Variants in GSPT1 observed in about 807,000 individuals in gnomAD.
The protein encoded by GSPT1 is eukaryotic peptide chain release factor GTP-binding subunit ERF3A.
A neutral mutation model predicts 72.5 loss-of-function variants in GSPT1; 20 were observed. That is an observed-to-expected ratio of 0.28 (90% CI 0.19 to 0.40). The LOEUF is 0.40. GSPT1 is among the 10% of genes least tolerant of loss of function. The pLI is 1.00. For synonymous variants in GSPT1, 334 were observed against 293.5 expected, an observed-to-expected ratio of 1.14 and a Z score of -1.41; for missense variants, 580 against 811.9, an observed-to-expected ratio of 0.71 and a Z score of 3.47.
intron 6 of GSPT1, among the ~76,000 whole-genome samples, chr16:11,889,329 CTTTTTTTTTTTTTTTT>C (rs902991145): frequency 6.7e-5 from 4 of 60,040 alleles, no homozygotes; most frequent in Middle Eastern, 0.013. Context: ...CCCTCTTCTT[CTTTTTTTTTTTTTTTT>C]TTTTTTTTTT....
intron 3 of GSPT1, 91 bp downstream of exon 3, chr16:11,897,749 T>C (rs1293140698): frequency 1.4e-6 from 1 of 720,810 alleles, no homozygotes; most frequent in East Asian, 2.7e-5. Context: ...ATGTAGGCAT[T>C]ACAATAATCG....
chr16:11,900,313 AGAATGAAACTCC>A (rs1483672617), intron 1 of GSPT1, among the ~76,000 whole-genome samples: 1 of 141,120 alleles, frequency 7.1e-6, no homozygotes, highest in Non-Finnish European at 1.5e-5. Flanking sequence ...AGCTTGGACA[AGAATGAAACTCC>A]GTCTCAAAAA....
intron 1 of GSPT1, among the ~76,000 whole-genome samples, chr16:11,900,470 T>C (rs2141307731): frequency 6.6e-6 from 1 of 152,190 alleles, no homozygotes. Flanking sequence ...TTGCTTTAAC[T>C]AATTTTTATT....
At chr16:11,889,384 T>C (rs1010951873) in intron 6 of GSPT1, among the ~76,000 whole-genome samples, 3 of 126,268 alleles carry the variant, frequency 2.4e-5, no homozygotes, top group East Asian at 5.0e-4. Flanking sequence ...TCTGGCCAGG[T>C]TGGAGTGCAG....
intron 1 of GSPT1, among the ~76,000 whole-genome samples, chr16:11,906,118 G>A (rs1315407588): frequency 1.3e-5 from 2 of 151,644 alleles, no homozygotes; most frequent in East Asian, 1.9e-4. Context: ...GTCTCACTCT[G>A]TCGCCCAGGC....
chr16:11,907,969 C>T (rs1474055402), intron 1 of GSPT1, among the ~76,000 whole-genome samples: 5 of 152,206 alleles, frequency 3.3e-5, no homozygotes, highest in East Asian at 1.9e-4. Context: ...AGGCCAGGCG[C>T]GGTGGCTCAC....
intron 11 of GSPT1, among the ~76,000 whole-genome samples, chr16:11,879,826 A>C (rs1034072681): frequency 6.6e-6 from 1 of 152,200 alleles, no homozygotes; most frequent in Non-Finnish European, 1.5e-5. Context: ...AAAATAACCA[A>C]TTTTTAATTT....
rs1216791121 is a variant in GSPT1, at chr16:11,875,940, A to C, written c.1693-11T>G. 6.2e-7 allele frequency: 1 copy of C among 1,607,398 alleles called. No homozygotes were observed. The highest frequency in any genetic ancestry group is 8.5e-7 in the Non-Finnish European group (1 of 1,176,526). On this transcript the variant is annotated splice_polypyrimidine_tract_variant and intron_variant, in intron 13 of 14. Transcript: ENST00000434724. The stretch of plus-strand genomic sequence containing the variant: ...CAAGCAGATTAAGGCCTAACCAAGA[A>C]AAGAGTATGAGAAAATCAGAATAAT...
At position 11,886,552 on chromosome 16, in the gene GSPT1, T is replaced by C. The variant is rs1264193474; in HGVS notation, c.1172A>G (p.Lys391Arg). 1.2e-6 allele frequency: 2 copies of C among 1,612,836 alleles called. No homozygotes were observed. The highest frequency in any genetic ancestry group is 3.3e-5 in the Admixed American group (2 of 59,996). Residue 391 changes from lysine (K) to arginine (R), a missense_variant, in exon 9 of 15, where the codon AAA becomes AGA. Around this residue, in one of 6 missense-constraint regions of GSPT1, gnomAD observed 34 missense variants for 62.0 expected, o/e 0.55. Coordinates refer to ENST00000434724, the MANE Select transcript of GSPT1 (RefSeq NM_002094.4). ...GCAGGGCATAAAGTGAATGTCCTTT[T>C]TGGGATTGAAGCCAACTTTTTTCAA... ...PFLKKVGFNP[K>R]KDIHFMPCSG...
At chr16:11,888,258 G>T (rs1472758991) in intron 6 of GSPT1, among the ~76,000 whole-genome samples, 1 of 152,118 alleles carries the variant, frequency 6.6e-6, no homozygotes, top group Non-Finnish European at 1.5e-5. Context: ...CTGAGGTCAG[G>T]AGTTCGAGAC....
intron 12 of GSPT1, among the ~76,000 whole-genome samples, chr16:11,876,724 C>T (rs1330664777): frequency 6.6e-6 from 1 of 152,170 alleles, no homozygotes; most frequent in Non-Finnish European, 1.5e-5. Context: ...GCCTGGGTGA[C>T]AGAGCAAGAC....
At chr16:11,904,754 T>C (rs2054467424) in intron 1 of GSPT1, among the ~76,000 whole-genome samples, 1 of 152,192 alleles carries the variant, frequency 6.6e-6, no homozygotes, top group Non-Finnish European at 1.5e-5. Flanking sequence ...ATGTATTTCA[T>C]AAATCAGCAA....
upstream of GSPT1, among the ~76,000 whole-genome samples, chr16:11,916,275 G>T (rs1214003837): frequency 6.6e-6 from 1 of 152,032 alleles, no homozygotes; most frequent in African/African-American, 2.4e-5. Context: ...CTGTCACCTG[G>T]TGGGGGGGCA....
chr16:11,900,027 A>G (rs1437353285), intron 1 of GSPT1, among the ~76,000 whole-genome samples: 2 of 152,128 alleles, frequency 1.3e-5, no homozygotes, highest in African/African-American at 2.4e-5. Context: ...CTCCAACTCA[A>G]TCCTATCAAT....
intron 5 of GSPT1, among the ~76,000 whole-genome samples, chr16:11,892,517 A>AAAC (rs2054276204): frequency 8.0e-6 from 1 of 124,258 alleles, no homozygotes; most frequent in African/African-American, 3.8e-5. Flanking sequence ...AAAAAAACAA[A>AAAC]AAAAACAAAA....
intron 3 of GSPT1, among the ~76,000 whole-genome samples, chr16:11,897,451 G>A (rs939539270): frequency 6.6e-6 from 1 of 152,140 alleles, no homozygotes; most frequent in Admixed American, 6.6e-5. Context: ...CAGTTGTGGT[G>A]GTGTGCGCCT....
At chr16:11,897,640 C>T (rs2054356646) in intron 3 of GSPT1, among the ~76,000 whole-genome samples, 200 bp downstream of exon 3, 1 of 152,170 alleles carries the variant, frequency 6.6e-6, no homozygotes, top group South Asian at 2.1e-4. Flanking sequence ...CATTCCTCCA[C>T]TCAATTTTAT....
At chr16:11,902,795 C>T (rs1174733155) in intron 1 of GSPT1, among the ~76,000 whole-genome samples, 1 of 151,990 alleles carries the variant, frequency 6.6e-6, no homozygotes, top group East Asian at 1.9e-4. Flanking sequence ...ACGATGTTGC[C>T]AGGCTGGTCT....
At chr16:11,895,283 T>C (rs891080018) in intron 4 of GSPT1, 1 of 218,442 alleles carries the variant, frequency 4.6e-6, no homozygotes, top group Admixed American at 5.3e-5. Flanking sequence ...ATACAAAAAT[T>C]AGCTAGGCGT....
Sources: gnomAD v4.1 joint callset for allele counts (sites outside exome capture counted in the v4.1 genomes callset) on GRCh38, gnomAD v4.1.1 for gene constraint, gnomAD v4.1.1 regional missense constraint, MANE v1.5 for transcripts, NCBI Gene and HGNC (gene_info 2026-07-23, HGNC 2026-07-21) for gene names.